AK5: variants seen among roughly 807,000 people sequenced by gnomAD.
AK5 encodes the protein adenylate kinase 5.
A neutral mutation model predicts 69.5 loss-of-function variants in AK5; 27 were observed. The observed-to-expected ratio is 0.39, with a 90% confidence interval of 0.29 to 0.54. The LOEUF is 0.54. Ranked by LOEUF, AK5 falls within the 20% of genes least tolerant of loss-of-function variation. The pLI, the probability that AK5 is intolerant of heterozygous loss-of-function variation, is 0.71. For synonymous variants in AK5, 260 were observed against 244.4 expected, an observed-to-expected ratio of 1.06 and a Z score of -0.60; for missense variants, 531 against 700.4, an observed-to-expected ratio of 0.76 and a Z score of 2.73.
At chr1:77,391,515 A>ATATATATATATATATATATATG (rs1648480833) in intron 6 of AK5, among the ~76,000 whole-genome samples, 1 of 125,110 alleles carries the variant, frequency 8.0e-6, no homozygotes, top group Non-Finnish European at 1.7e-5. Context: ...ATATATATAT[A>ATATATATATATATATATATATG]TATATATATA....
At chr1:77,380,564 A>G (rs1647558906) in intron 6 of AK5, among the ~76,000 whole-genome samples, 1 of 152,208 alleles carries the variant, frequency 6.6e-6, no homozygotes, top group South Asian at 2.1e-4. Context: ...ATATTTACTG[A>G]TTTAATCAAC....
At chr1:77,307,505 A>G (rs1659709250) in intron 5 of AK5, among the ~76,000 whole-genome samples, 1 of 152,148 alleles carries the variant, frequency 6.6e-6, no homozygotes, top group Non-Finnish European at 1.5e-5. Context: ...ATGTTTTAAG[A>G]CTTATTTTGT....
chr1:77,410,111 T>C (rs1274870505), intron 6 of AK5, among the ~76,000 whole-genome samples: 1 of 152,126 alleles, frequency 6.6e-6, no homozygotes, highest in Non-Finnish European at 1.5e-5. Context: ...TTCATAAATA[T>C]AACTATGTCA....
intron 6 of AK5, among the ~76,000 whole-genome samples, chr1:77,367,641 T>A (rs1404093452): frequency 1.2e-5 from 1 of 82,744 alleles, no homozygotes; most frequent in Non-Finnish European, 2.3e-5. Flanking sequence ...ATATATATGT[T>A]ATGTTATATA....
chr1:77,291,597 A>G (rs2100650354), intron 2 of AK5, among the ~76,000 whole-genome samples: 1 of 151,982 alleles, frequency 6.6e-6, no homozygotes, highest in South Asian at 2.1e-4. Flanking sequence ...CGCTCTACCC[A>G]CCCATTTTAT....
chr1:77,490,527 CA>C (rs1443343152), intron 10 of AK5, among the ~76,000 whole-genome samples: 1 of 152,060 alleles, frequency 6.6e-6, no homozygotes, highest in East Asian at 1.9e-4. Context: ...AAATACTTTT[CA>C]AAAAACAAAG....
rs869144927 is a variant in AK5, at chr1:77,517,082, AAG to A, written c.1148-1480_1148-1479del. Among the ~76,000 whole-genome samples, 419 of 140,942 alleles carry A rather than the reference AAG, an allele frequency of 3.0e-3. 1 individual carries two copies. The highest frequency in any genetic ancestry group is 0.01 in the African/African-American group (399 of 38,846). The allele number at this position is 140,942 out of a possible 152,430, so 92.5% of individuals were successfully genotyped here. A position where few individuals can be genotyped will look rare whatever the true frequency, so the allele number is the denominator to read the frequency against. On this transcript the variant is annotated intron_variant, in intron 10 of 13. Transcript: ENST00000354567. The stretch of plus-strand genomic sequence containing the variant: ...CAAGACCATCTCAAAAAAAAAAAAA[AAG>A]AAGAAGAAGAAATAGCGGGGAAAGA...
intron 8 of AK5, among the ~76,000 whole-genome samples, chr1:77,455,864 G>C (rs1040176875): frequency 6.6e-6 from 1 of 152,172 alleles, no homozygotes. Flanking sequence ...TCTGGCATGA[G>C]ACCCACTGTA....
At chr1:77,380,727 GC>G (rs1415238385) in intron 6 of AK5, among the ~76,000 whole-genome samples, 1 of 152,192 alleles carries the variant, frequency 6.6e-6, no homozygotes, top group Non-Finnish European at 1.5e-5. Context: ...GGTACCATGT[GC>G]TGTCAAGATG....
rs566056908 is a variant in AK5 at position 77,357,190 on chromosome 1, T to C, written c.891+16622T>C. ...TCAAATAAACCTTATGCTGGTGAAA[T>C]GTTGCAAGGAACTCAATGATAAATA... is the stretch of plus-strand genomic sequence containing the variant. On this transcript the variant is annotated intron_variant, in intron 6 of 13. Transcript: ENST00000354567. Among the ~76,000 whole-genome samples, 5 of 152,260 alleles carry C rather than the reference T, an allele frequency of 3.3e-5. No homozygotes were observed. In the South Asian group the frequency reaches 1.0e-3, roughly 32 times the overall value.
intron 10 of AK5, among the ~76,000 whole-genome samples, chr1:77,516,857 G>A (rs1305448022): frequency 2.0e-5 from 3 of 152,024 alleles, no homozygotes; most frequent in African/African-American, 7.2e-5. Flanking sequence ...ATCACTTGAA[G>A]CCAGGAGTTC....
intron 13 of AK5, among the ~76,000 whole-genome samples, chr1:77,556,355 T>C (rs1313017036): frequency 6.6e-6 from 1 of 152,246 alleles, no homozygotes; most frequent in African/African-American, 2.4e-5. Flanking sequence ...CCCTAACCAA[T>C]ATAGCTTTGT....
intron 8 of AK5, among the ~76,000 whole-genome samples, chr1:77,466,271 TG>T (rs1291092135): frequency 6.6e-6 from 1 of 152,198 alleles, no homozygotes; most frequent in Admixed American, 6.5e-5. Flanking sequence ...CTTCTCCACT[TG>T]CCCAACTCAG....
At chr1:77,471,270 A>G (rs1165729544) in intron 8 of AK5, among the ~76,000 whole-genome samples, 1 of 152,092 alleles carries the variant, frequency 6.6e-6, no homozygotes, top group Non-Finnish European at 1.5e-5. Context: ...TTCTAGCTCT[A>G]TGATTGAGGC....
intron 8 of AK5, among the ~76,000 whole-genome samples, chr1:77,456,026 A>T (rs964108641): frequency 6.6e-6 from 1 of 152,192 alleles, no homozygotes; most frequent in Non-Finnish European, 1.5e-5. Flanking sequence ...CATGAAAGTA[A>T]CCCATAAAAT....
At chr1:77,454,878 A>G (rs560441322) in intron 8 of AK5, among the ~76,000 whole-genome samples, 1 of 152,322 alleles carries the variant, frequency 6.6e-6, no homozygotes, top group South Asian at 2.1e-4. Context: ...ATCAAGAGTT[A>G]AAACTTCAAG....
intron 11 of AK5, among the ~76,000 whole-genome samples, chr1:77,519,693 T>G (rs1301000682): frequency 6.6e-6 from 1 of 152,224 alleles, no homozygotes; most frequent in Non-Finnish European, 1.5e-5. Flanking sequence ...TGCCTCCCCT[T>G]TTTTACCATA....
intron 10 of AK5, among the ~76,000 whole-genome samples, chr1:77,491,933 T>A (rs2803156): frequency 0.98 from 149,496 of 152,324 alleles, 73,421 homozygotes; most frequent in East Asian, 1. Flanking sequence ...TTTGCAAAAA[T>A]CACTGCCTGT....
At chr1:77,298,056 G>A (rs1010527508) in intron 5 of AK5, 109 bp downstream of exon 5, 2 of 749,612 alleles carry the variant, frequency 2.7e-6, no homozygotes, top group Non-Finnish European at 4.2e-6. Flanking sequence ...ATGAATTCTG[G>A]TCTGAAAACA....
Sources: allele counts gnomAD v4.1 joint callset (sites outside exome capture counted in the v4.1 genomes callset), GRCh38; gene constraint gnomAD v4.1.1; transcripts MANE v1.5; gene names NCBI Gene and HGNC (gene_info 2026-07-23, HGNC 2026-07-21).